The following PDE3A variants were observed in gnomAD, a reference collection of about 807,000 sequenced individuals.
PDE3A encodes cGMP-inhibited 3',5'-cyclic phosphodiesterase 3A.
A neutral mutation model predicts 98.3 loss-of-function variants in PDE3A; 43 were observed. The observed-to-expected ratio is 0.44, with a 90% CI of 0.34 to 0.56. PDE3A has a LOEUF of 0.56. PDE3A is among the 20% of genes least tolerant of loss of function. PDE3A has a pLI of 0.01. For missense variants in PDE3A, 1,427 were observed against 1,440.7 expected, an observed-to-expected ratio of 0.99 and a Z score of 0.15; for synonymous variants, 663 against 567.9, an observed-to-expected ratio of 1.17 and a Z score of -2.38.
In PDE3A at chr12:20,552,557, G is replaced by T; in HGVS notation, c.961-4103G>T. On this transcript the variant is annotated intron_variant, in intron 1 of 15. Transcript: ENST00000359062. This position sits in a 1 kb window ranked among gnomAD's most constrained non-coding sequence, Gnocchi z 5.1. Reference sequence around the variant, plus strand: ...GGGGGCTTCGCGTCCCCCAGGACGGGCAAGGGCAAGTGGAAGCGGAAGTCG... The same window carrying T: ...GGGGGCTTCGCGTCCCCCAGGACGGTCAAGGGCAAGTGGAAGCGGAAGTCG... The T allele has an allele frequency of 6.2e-7, 1 of 1,613,710 alleles. No homozygotes were observed. The highest frequency in any genetic ancestry group is 8.5e-7 in the Non-Finnish European group (1 of 1,179,796).
rs532147141 is a variant in PDE3A, at chr12:20,603,945, C to T, written c.1012-9498C>T. On this transcript the variant is annotated intron_variant, in intron 2 of 15. Transcript: ENST00000359062. ...CAGCACTTTGGGAGGCTGAGGCAGGCGGATCACAAAGTCAGGAGTTCGAGA... is the reference window on the plus strand; with the variant it reads ...CAGCACTTTGGGAGGCTGAGGCAGGTGGATCACAAAGTCAGGAGTTCGAGA... Among the ~76,000 whole-genome samples the T allele has an allele frequency of 8.2e-3, 1,241 of 151,958 alleles. 7 individuals are homozygous for T. Among genetic ancestry groups the T allele is most frequent in the Non-Finnish European group, 0.012 (846 of 67,952 alleles).
chr12:20,429,431 A>G (rs1944657855), intron 1 of PDE3A, among the ~76,000 whole-genome samples: 1 of 152,186 alleles, frequency 6.6e-6, no homozygotes, highest in South Asian at 2.1e-4. Flanking sequence ...CAAATGGTGA[A>G]AAATTTGAGA....
chr12:20,673,206 A>G (rs2120441098), intron 15 of PDE3A, among the ~76,000 whole-genome samples: 1 of 152,286 alleles, frequency 6.6e-6, no homozygotes, highest in South Asian at 2.1e-4. Context: ...AACCACAGGT[A>G]CTGGAAAGGA....
At chr12:20,391,037 T>C (rs1047530191) in intron 1 of PDE3A, among the ~76,000 whole-genome samples, 3 of 151,796 alleles carry the variant, frequency 2.0e-5, no homozygotes, top group Non-Finnish European at 4.4e-5. Flanking sequence ...CCTCTAACGA[T>C]CCCCAGGGCA....
intron 9 of PDE3A, among the ~76,000 whole-genome samples, chr12:20,637,983 C>T (rs915980362): frequency 5.3e-5 from 8 of 152,132 alleles, no homozygotes; most frequent in Non-Finnish European, 1.0e-4. Context: ...CTTATCTTCA[C>T]ATGTTTTAGG....
chr12:20,680,404 G>C lies in PDE3A; in HGVS notation c.*133G>C. On this transcript the variant is annotated 3_prime_UTR_variant, in exon 16 of 16. Coordinates refer to ENST00000359062, the MANE Select transcript of PDE3A (RefSeq NM_000921.5). ...TGGCTATTGCATTTTGGGATTCTTCGCATTTTGTGTGTATATTTTTACAGT... is the reference window on the plus strand; with the variant it reads ...TGGCTATTGCATTTTGGGATTCTTCCCATTTTGTGTGTATATTTTTACAGT... 1.1e-6 allele frequency: 1 copy of C among 941,242 alleles called. No homozygotes were observed. Among genetic ancestry groups the C allele is most frequent in the Non-Finnish European group, 1.6e-6 (1 of 630,876 alleles). 58.3% of individuals were successfully genotyped at this position (941,242 alleles called of 1,614,324 possible). A position where few individuals can be genotyped will look rare whatever the true frequency, so the allele number is the denominator to read the frequency against.
intron 1 of PDE3A, among the ~76,000 whole-genome samples, chr12:20,399,991 T>C (rs557794685): frequency 1.3e-5 from 2 of 152,312 alleles, no homozygotes; most frequent in African/African-American, 4.8e-5. Flanking sequence ...TTTTGTATAG[T>C]CTAAAAGCTT....
intron 5 of PDE3A, among the ~76,000 whole-genome samples, chr12:20,627,162 A>C (rs1468625102): frequency 6.6e-6 from 1 of 151,638 alleles, no homozygotes; most frequent in Admixed American, 6.6e-5. Context: ...AAAAAAAAAA[A>C]AACTGTGTAG....
intron 4 of PDE3A, among the ~76,000 whole-genome samples, chr12:20,617,722 T>G (rs1287118188): frequency 6.6e-6 from 1 of 152,164 alleles, no homozygotes; most frequent in Admixed American, 6.5e-5. Context: ...GCTTCATGAT[T>G]TCCTTCCCAT....
intron 15 of PDE3A, among the ~76,000 whole-genome samples, chr12:20,666,588 T>C (rs901799190): frequency 6.6e-6 from 1 of 152,192 alleles, no homozygotes; most frequent in Non-Finnish European, 1.5e-5. Context: ...GTTCCATTAA[T>C]GATGCTGCAA....
intron 1 of PDE3A, among the ~76,000 whole-genome samples, chr12:20,376,029 T>C (rs1203625238): frequency 1.3e-5 from 2 of 151,990 alleles, no homozygotes; most frequent in African/African-American, 2.4e-5. Flanking sequence ...AGAATGTTTT[T>C]GAAAATGGAA....
chr12:20,565,331 C>T (rs781030087), intron 2 of PDE3A, among the ~76,000 whole-genome samples: 8 of 151,956 alleles, frequency 5.3e-5, no homozygotes, highest in East Asian at 3.9e-4. Flanking sequence ...TTTTATCTCA[C>T]GCTGGGTGAT....
At position 20,369,659 on chromosome 12, in the gene PDE3A, G is replaced by A; in HGVS notation, c.375G>A (p.Arg125=). The change falls in exon 1 of 16, where the codon CGG becomes CGA. Residue 125 remains arginine, a synonymous_variant. Transcript: ENST00000359062. The stretch of plus-strand genomic sequence containing the variant: ...GAGGTGCTCCCGGGGGCGGTGCGCG[G>A]CTCAGCCCCTGGCTGCAGCCCTCGG... ...PRGGAPGGGA[R]LSPWLQPSAL... The A allele has an allele frequency of 6.2e-7, 1 of 1,603,754 alleles. No homozygotes were observed. The highest frequency in any genetic ancestry group is 8.5e-7 in the Non-Finnish European group (1 of 1,176,120).
intron 10 of PDE3A, 55 bp downstream of exon 10, chr12:20,640,012 G>A (rs936192916): frequency 1.2e-6 from 1 of 808,660 alleles, no homozygotes; most frequent in African/African-American, 1.7e-5. Flanking sequence ...AATTTGCTGT[G>A]GGTAAATGGG....
chr12:20,393,445 G>A (rs1403945997), intron 1 of PDE3A, among the ~76,000 whole-genome samples: 1 of 151,992 alleles, frequency 6.6e-6, no homozygotes, highest in Non-Finnish European at 1.5e-5. Context: ...CCAGAACTAT[G>A]GGAATTATGG....
chr12:20,381,889 A>C (rs1054978042), intron 1 of PDE3A, among the ~76,000 whole-genome samples: 27 of 151,822 alleles, frequency 1.8e-4, no homozygotes, highest in Admixed American at 7.2e-4. Flanking sequence ...CCTGTTGATA[A>C]TTATTCTTAT....
rs1184242820 is a variant in PDE3A, at chr12:20,616,276, C to T, written c.1316C>T (p.Ser439Phe). Residue 439 changes from serine (S) to phenylalanine (F), a missense_variant, in exon 4 of 16, where the codon TCC (serine) becomes TTC (phenylalanine). By Grantham distance (155) the Ser-to-Phe change is radical (BLOSUM62 -2). Transcript: ENST00000359062. ...LPPGLLRRVS[S>F]TWTTTTSATG... ...CCTGGCTTGTTGAGACGAGTTTCTT[C>T]CACTTGGACCACCACCACCTCGGCC... 6.2e-7 allele frequency: 1 copy of T among 1,613,930 alleles called. No individual in the cohort carries two copies. Among genetic ancestry groups the T allele is most frequent in the Non-Finnish European group, 8.5e-7 (1 of 1,179,938 alleles).
At chr12:20,517,956 C>T (rs774793927) in intron 1 of PDE3A, among the ~76,000 whole-genome samples, 9 of 152,188 alleles carry the variant, frequency 5.9e-5, no homozygotes, top group Non-Finnish European at 1.3e-4. Context: ...TCCTAATCTG[C>T]GTGGTCCAAG....
intron 1 of PDE3A, among the ~76,000 whole-genome samples, chr12:20,385,778 G>T (rs558121140): frequency 1.0e-4 from 15 of 149,440 alleles, no homozygotes; most frequent in Non-Finnish European, 1.6e-4. Context: ...ATCACACATC[G>T]GGGCCTGTTG....
Sources: allele counts gnomAD v4.1 joint callset (sites outside exome capture counted in the v4.1 genomes callset), GRCh38; gene constraint gnomAD v4.1.1; non-coding constraint Gnocchi (gnomAD v3.1); transcripts MANE v1.5; gene names NCBI Gene and HGNC (gene_info 2026-07-23, HGNC 2026-07-21).